MTMR2: variants seen among roughly 807,000 people sequenced by gnomAD.
MTMR2 encodes the protein myotubularin related protein 2.
In MTMR2, 55 loss-of-function variants were observed where a neutral mutation model predicts 86.9. The observed-to-expected ratio is 0.63, with a 90% CI of 0.51 to 0.79. MTMR2 has a LOEUF of 0.79. MTMR2 is among the 30% of genes least tolerant of loss of function. The probability of loss-of-function intolerance (pLI) is 0.00; values close to 1 mark genes in which losing one functional copy is unlikely to be tolerated. For synonymous variants in MTMR2, 241 were observed against 266.8 expected (o/e 0.90, Z 0.94); for missense variants, 659 against 772.3 (o/e 0.85, Z 1.74).
intron 1 of MTMR2, among the ~76,000 whole-genome samples, chr11:95,896,967 AAAG>A (rs1261322518): frequency 6.6e-6 from 1 of 151,914 alleles, no homozygotes; most frequent in Admixed American, 6.6e-5. Context: ...TGGGATGGTT[AAAG>A]AAGTAGTTGG....
Position 95,838,076 on chromosome 11 carries a change from T to C in MTMR2, c.1593+18A>G, listed in dbSNP as rs1429773322. 4 of 1,406,252 alleles carry C rather than the reference T, an allele frequency of 2.8e-6. No homozygotes were observed. Among genetic ancestry groups the C allele is most frequent in the Non-Finnish European group, 4.0e-6 (4 of 993,854 alleles). 87.1% of individuals were successfully genotyped at this position (1,406,252 alleles called of 1,614,324 possible). A position where few individuals can be genotyped will look rare whatever the true frequency, so the allele number is the denominator to read the frequency against. ...TACAGTAGAGATAGTATGGGGAAGG[T>C]CATGTTTCATATTTTACCTCTTTTC... On this transcript the variant is annotated intron_variant, in intron 13 of 14. Coordinates refer to ENST00000346299, the MANE Select transcript of MTMR2 (RefSeq NM_016156.6).
chr11:95,853,895 C>A (rs1864114195), intron 7 of MTMR2, among the ~76,000 whole-genome samples: 1 of 152,078 alleles, frequency 6.6e-6, no homozygotes, highest in Non-Finnish European at 1.5e-5. Flanking sequence ...AAGGTCAGAT[C>A]ACTTGAGAAG....
Position 95,843,475 on chromosome 11 carries a change from C to T in MTMR2, c.1386+1478G>A, listed in dbSNP as rs539566819. Among the ~76,000 whole-genome samples, 39 of 152,162 alleles carry T rather than the reference C, an allele frequency of 2.6e-4. 1 individual carries two copies. In the South Asian group the frequency reaches 4.4e-3, roughly 17 times the overall value. On this transcript the variant is annotated intron_variant, in intron 11 of 14. Coordinates refer to ENST00000346299, the MANE Select transcript of MTMR2 (RefSeq NM_016156.6). The stretch of plus-strand genomic sequence containing the variant: ...ATTTTGGATTCCATATAACAACTAA[C>T]CTCTAAGAAACTACCATTTATCAAG...
Position 95,835,067 on chromosome 11 carries a change from A to C in MTMR2, c.*223T>G. ...TGAAGTATTTTAATATTCTTTGGAT[A>C]CTTAAAAGATTAGTATCATAATCAT... On this transcript the variant is annotated 3_prime_UTR_variant, in exon 15 of 15. Coordinates refer to ENST00000346299, the MANE Select transcript of MTMR2 (RefSeq NM_016156.6). The C allele has an allele frequency of 1.8e-6, 1 of 546,672 alleles. No individual in the cohort carries two copies. Among genetic ancestry groups the C allele is most frequent in the East Asian group, 3.1e-5 (1 of 32,290 alleles). 33.9% of individuals were successfully genotyped at this position (546,672 alleles called of 1,614,324 possible). A position where few individuals can be genotyped will look rare whatever the true frequency, so the allele number is the denominator to read the frequency against.
chr11:95,913,140 C>G (rs759710628), intron 1 of MTMR2: 1 of 151,984 alleles, frequency 6.6e-6, no homozygotes, highest in Non-Finnish European at 1.5e-5. Context: ...ACCCATATGT[C>G]CTCTTATTTT....
At chr11:95,892,560 T>A (rs772878099) in intron 1 of MTMR2, among the ~76,000 whole-genome samples, 5 of 152,206 alleles carry the variant, frequency 3.3e-5, no homozygotes, top group Non-Finnish European at 7.4e-5. Flanking sequence ...CCTCATTAAG[T>A]AACCGATACC....
At chr11:95,895,258 T>C (rs535910930) in intron 1 of MTMR2, among the ~76,000 whole-genome samples, 1 of 151,844 alleles carries the variant, frequency 6.6e-6, no homozygotes, top group Non-Finnish European at 1.5e-5. Context: ...TTTTTATAGG[T>C]CAGATGGCCA....
intron 12 of MTMR2, among the ~76,000 whole-genome samples, chr11:95,841,400 A>C (rs537894025): frequency 6.6e-6 from 1 of 152,316 alleles, no homozygotes; most frequent in East Asian, 1.9e-4. Flanking sequence ...AGGAGTTATT[A>C]TCAATGCTAC....
At chr11:95,851,055 C>CTTTTTTTT (rs55809121) in intron 7 of MTMR2, among the ~76,000 whole-genome samples, 1 of 93,396 alleles carries the variant, frequency 1.1e-5, no homozygotes, top group Non-Finnish European at 1.9e-5. Context: ...TCAAATATTC[C>CTTTTTTTT]TTTTTTTTTT....
At chr11:95,910,172 A>C (rs2135606778) in intron 1 of MTMR2, among the ~76,000 whole-genome samples, 1 of 151,686 alleles carries the variant, frequency 6.6e-6, no homozygotes, top group East Asian at 1.9e-4. Flanking sequence ...TTATATAGTC[A>C]ATCAGAAGAC....
In MTMR2 at chr11:95,856,541, CA is replaced by C. The variant is rs540118942; in HGVS notation, c.654+1010del. Among the ~76,000 whole-genome samples, 1,072 of 126,330 alleles carry C rather than the reference CA, an allele frequency of 8.5e-3. 10 individuals are homozygous for C. The highest frequency in any genetic ancestry group is 0.024 in the African/African-American group (848 of 34,672). 82.9% of individuals were successfully genotyped at this position (126,330 alleles called of 152,430 possible). ...ACTCAGAGACAGTTTCTCATGCTGC[CA>C]AAAAAAAAAAAGCCAACAAATTCAT... On this transcript the variant is annotated intron_variant, in intron 7 of 14. Transcript: ENST00000346299.
intron 2 of MTMR2, among the ~76,000 whole-genome samples, chr11:95,879,744 T>C (rs1021207077): frequency 7.2e-5 from 11 of 152,156 alleles, no homozygotes; most frequent in Admixed American, 3.9e-4. Flanking sequence ...ACATATTCAA[T>C]AGTAAACATA....
chr11:95,889,554 A>C (rs1043357244), intron 1 of MTMR2, among the ~76,000 whole-genome samples: 2 of 150,398 alleles, frequency 1.3e-5, no homozygotes, highest in African/African-American at 2.4e-5. Flanking sequence ...AGGTCTCACT[A>C]TGTTATCCAG....
chr11:95,890,464 G>A (rs1164515658), intron 1 of MTMR2, among the ~76,000 whole-genome samples: 3 of 152,282 alleles, frequency 2.0e-5, no homozygotes, highest in Admixed American at 6.5e-5. Flanking sequence ...GGAGAGCCAC[G>A]TGAGTCAATT....
intron 1 of MTMR2, among the ~76,000 whole-genome samples, chr11:95,891,787 G>C (rs1010784346): frequency 3.9e-5 from 6 of 152,052 alleles, no homozygotes; most frequent in Non-Finnish European, 4.4e-5. Context: ...ATACATCATA[G>C]TACTGTTCTT....
intron 1 of MTMR2, among the ~76,000 whole-genome samples, chr11:95,918,388 A>G (rs1866787042): frequency 1.3e-5 from 2 of 152,358 alleles, no homozygotes; most frequent in South Asian, 2.1e-4. Flanking sequence ...TTTGAGAACT[A>G]CTGGTCTACA....
chr11:95,912,115 T>C (rs1216773415), intron 1 of MTMR2, among the ~76,000 whole-genome samples: 4 of 150,382 alleles, frequency 2.7e-5, no homozygotes, highest in African/African-American at 9.8e-5. Context: ...AGTTACTAAG[T>C]TAAAACTCTC....
chr11:95,834,039 T>G lies in MTMR2; in HGVS notation c.*1251A>C, dbSNP rs1191826293. The G allele has an allele frequency of 6.7e-6, 1 of 149,082 alleles. No individual in the cohort carries two copies. The highest frequency in any genetic ancestry group is 2.6e-5 in the African/African-American group (1 of 38,464). 9.2% of individuals were successfully genotyped at this position (149,082 alleles called of 1,614,324 possible). ...TGGGGTGCATATTCCTCCAATAATT[T>G]CCAAATATTTCTGGGGAAAAAAAAG... On this transcript the variant is annotated 3_prime_UTR_variant, in exon 15 of 15. Coordinates refer to ENST00000346299, the MANE Select transcript of MTMR2 (RefSeq NM_016156.6).
intron 2 of MTMR2, among the ~76,000 whole-genome samples, chr11:95,872,631 C>T (rs1335516531): frequency 3.3e-5 from 5 of 152,164 alleles, no homozygotes; most frequent in Non-Finnish European, 7.3e-5. Context: ...ATTGCCCTGG[C>T]CAGAACTTCC....
Sources: gnomAD v4.1 joint callset for allele counts (sites outside exome capture counted in the v4.1 genomes callset) on GRCh38, gnomAD v4.1.1 for gene constraint, MANE v1.5 for transcripts, NCBI Gene and HGNC (gene_info 2026-07-23, HGNC 2026-07-21) for gene names.